WRN: variants seen among roughly 807,000 people sequenced by gnomAD.
WRN encodes the protein WRN RecQ like helicase, also known as bifunctional 3'-5' exonuclease/ATP-dependent helicase WRN.
A neutral mutation model predicts 180.7 loss-of-function variants in WRN; 149 were observed. That is an observed-to-expected ratio of 0.82 (90% CI 0.72 to 0.94). WRN has a LOEUF of 0.94. Ranked by LOEUF, WRN falls within the 40% of genes least tolerant of loss-of-function variation. WRN has a pLI of 0.00. For synonymous variants in WRN, 548 were observed against 568.9 expected (o/e 0.96, Z 0.52); for missense variants, 1,661 against 1,700.1 (o/e 0.98, Z 0.40).
At chr8:31,096,502 G>A (rs562843251) in intron 16 of WRN, among the ~76,000 whole-genome samples, 1 of 152,252 alleles carries the variant, frequency 6.6e-6, no homozygotes, top group South Asian at 2.1e-4. Flanking sequence ...GGAAGAGACT[G>A]GAATTGGGTT....
At chr8:31,082,583 G>A (rs1279185384) in intron 9 of WRN, among the ~76,000 whole-genome samples, 1 of 151,870 alleles carries the variant, frequency 6.6e-6, no homozygotes, top group Non-Finnish European at 1.5e-5. Flanking sequence ...TAATATTATA[G>A]GATTATCAGG....
Position 31,156,537 on chromosome 8 carries a change from A to G in WRN, c.3820-831A>G, listed in dbSNP as rs78411437. 2.7e-3 allele frequency among the ~76,000 whole-genome samples: 409 copies of G among 152,364 alleles called. 2 individuals carry two copies. Among genetic ancestry groups the G allele is most frequent in the African/African-American group, 9.0e-3 (373 of 41,584 alleles). On this transcript the variant is annotated intron_variant, in intron 32 of 34. Coordinates refer to ENST00000298139, the MANE Select transcript of WRN (RefSeq NM_000553.6). ...AGTAGACATTTAATGAAAGTAATTT[A>G]AAACCTACCTTTGAAGGATGAAAAA...
chr8:31,146,460 T>A (rs1585521139), intron 28 of WRN, among the ~76,000 whole-genome samples: 1 of 152,054 alleles, frequency 6.6e-6, no homozygotes, highest in Non-Finnish European at 1.5e-5. Flanking sequence ...TTCCTTTTAC[T>A]AATTTTCTTT....
At chr8:31,127,721 T>C (rs1801982720) in intron 23 of WRN, among the ~76,000 whole-genome samples, 1 of 151,848 alleles carries the variant, frequency 6.6e-6, no homozygotes. Context: ...AAGACCAGTC[T>C]GGGCAAAAAA....
chr8:31,075,786 A>G (rs2130092708), intron 7 of WRN, among the ~76,000 whole-genome samples: 1 of 152,002 alleles, frequency 6.6e-6, no homozygotes, highest in Non-Finnish European at 1.5e-5. Flanking sequence ...GCAATGAGGG[A>G]TGACTGTTGG....
chr8:31,067,111 A>G lies in WRN; in HGVS notation c.583A>G (p.Ile195Val), dbSNP rs371736282. The G allele has an allele frequency of 6.8e-6, 11 of 1,613,878 alleles. No homozygotes were observed. The highest frequency in any genetic ancestry group is 7.6e-6 in the Non-Finnish European group (9 of 1,179,984). ...LGKQLLKDKSIRCSNWSKFPL... is the reference protein window; with the variant it reads ...LGKQLLKDKSVRCSNWSKFPL... Reference sequence around the variant, plus strand: ...TAAACAGCTCCTGAAAGACAAGTCTATCCGCTGTAGCAATTGGAGTAAATT... The same window carrying G: ...TAAACAGCTCCTGAAAGACAAGTCTGTCCGCTGTAGCAATTGGAGTAAATT... Residue 195 changes from isoleucine to valine, a missense_variant, in exon 6 of 35, where the codon ATC becomes GTC. Ile to Val is a conservative substitution (Grantham distance 29). Around this residue, in one of 3 missense-constraint regions of WRN, gnomAD observed 500 missense variants for 504.1 expected, o/e 0.99. Transcript: ENST00000298139.
chr8:31,059,268 A>T lies in WRN; in HGVS notation c.209+3A>T. On this transcript the variant is annotated splice_donor_region_variant and intron_variant, in intron 3 of 34. Coordinates refer to ENST00000298139, the MANE Select transcript of WRN (RefSeq NM_000553.6). ...TCTTTCCTGTCAGAAGATATTAGGTAAGTGATTTGAATTTCCTGATTTTAT... is the reference window on the plus strand; with the variant it reads ...TCTTTCCTGTCAGAAGATATTAGGTTAGTGATTTGAATTTCCTGATTTTAT... The T allele has an allele frequency of 1.2e-6, 2 of 1,607,516 alleles. No homozygotes were observed. Among genetic ancestry groups the T allele is most frequent in the South Asian group, 1.1e-5 (1 of 90,970 alleles).
At chr8:31,105,438 C>T (rs1309385831) in intron 18 of WRN, among the ~76,000 whole-genome samples, 2 of 146,496 alleles carry the variant, frequency 1.4e-5, no homozygotes, top group Admixed American at 7.0e-5. Flanking sequence ...GGTCATTTCA[C>T]CCAACATACA....
chr8:31,120,876 A>G (rs1466681725), intron 21 of WRN, among the ~76,000 whole-genome samples: 1 of 151,954 alleles, frequency 6.6e-6, no homozygotes, highest in African/African-American at 2.4e-5. Context: ...GATTTCTCTC[A>G]GTCCCTATTT....
chr8:31,108,070 G>A (rs1238608691), intron 18 of WRN, among the ~76,000 whole-genome samples: 1 of 152,162 alleles, frequency 6.6e-6, no homozygotes, highest in Admixed American at 6.5e-5. Flanking sequence ...CAGTCTGTGG[G>A]CACCACACCA....
chr8:31,076,072 A>C, intron 7 of WRN, 101 bp from the exon 8 acceptor site: 1 of 989,892 alleles, frequency 1.0e-6, no homozygotes. Flanking sequence ...ATTTAAGGAA[A>C]GAAAATGAAA....
chr8:31,111,141 A>G (rs1403882777), intron 18 of WRN, among the ~76,000 whole-genome samples: 1 of 151,900 alleles, frequency 6.6e-6, no homozygotes, highest in Non-Finnish European at 1.5e-5. Context: ...CCATAAACCT[A>G]TATATTTAAA....
chr8:31,156,319 G>T (rs1391571932), intron 32 of WRN, among the ~76,000 whole-genome samples: 1 of 152,162 alleles, frequency 6.6e-6, no homozygotes, highest in Admixed American at 6.5e-5. Flanking sequence ...TTATTTGGTT[G>T]TATTTTATTG....
At chr8:31,056,130 A>G (rs938685769) in intron 1 of WRN, among the ~76,000 whole-genome samples, 3 of 152,236 alleles carry the variant, frequency 2.0e-5, no homozygotes, top group South Asian at 2.1e-4. Context: ...GGAAAGAGTT[A>G]TTGAAGTTTA....
chr8:31,137,713 A>G (rs953699166), intron 24 of WRN, among the ~76,000 whole-genome samples: 2 of 152,118 alleles, frequency 1.3e-5, no homozygotes, highest in Non-Finnish European at 2.9e-5. Context: ...CAGAGCTATG[A>G]CGTGAACTCA....
chr8:31,037,431 A>G (rs1010271499), intron 1 of WRN, among the ~76,000 whole-genome samples: 1 of 152,126 alleles, frequency 6.6e-6, no homozygotes, highest in African/African-American at 2.4e-5. Flanking sequence ...GACTGGTACT[A>G]ATCTGTGGCC....
chr8:31,050,756 A>G (rs938173409), intron 1 of WRN, among the ~76,000 whole-genome samples: 1 of 152,192 alleles, frequency 6.6e-6, no homozygotes, highest in South Asian at 2.1e-4. Flanking sequence ...TAAAATTTGC[A>G]TACGTGCCCA....
rs1307141529 is a variant in WRN at position 31,047,677 on chromosome 8, T to C, written c.-76-10695T>C. ...TCCTATAAAATTTTATTTCAGGCCA[T>C]ACGAAGTAACAGTAATAAATATAAA... On this transcript the variant is annotated intron_variant, in intron 1 of 34. Coordinates refer to ENST00000298139, the MANE Select transcript of WRN (RefSeq NM_000553.6). Among the ~76,000 whole-genome samples, 6 of 152,294 alleles carry C rather than the reference T, an allele frequency of 3.9e-5. No homozygotes were observed. The East Asian group carries it at 1.2e-3, about 29-fold the overall frequency.
chr8:31,060,899 C>T (rs1273151656), intron 3 of WRN, among the ~76,000 whole-genome samples: 4 of 152,194 alleles, frequency 2.6e-5, no homozygotes, highest in African/African-American at 9.6e-5. Context: ...TAAATTTTTG[C>T]TACCACAGGT....
Sources: gnomAD v4.1 joint callset for allele counts (sites outside exome capture counted in the v4.1 genomes callset) on GRCh38, gnomAD v4.1.1 for gene constraint, gnomAD v4.1.1 regional missense constraint, MANE v1.5 for transcripts, NCBI Gene and HGNC (gene_info 2026-07-23, HGNC 2026-07-21) for gene names.